Variants in PNPT1 observed in about 807,000 individuals in gnomAD.
PNPT1 encodes polyribonucleotide nucleotidyltransferase 1, mitochondrial.
In PNPT1, 53 loss-of-function variants were observed where a neutral mutation model predicts 119.5. The ratio of observed to expected loss-of-function variants is 0.44; its 90% CI spans 0.36 to 0.56. The LOEUF (loss-of-function observed/expected upper bound fraction) is 0.56. PNPT1 is among the 20% of genes least tolerant of loss of function. PNPT1 has a pLI of 0.00. For missense variants in PNPT1, 948 were observed against 938.5 expected (o/e 1.01, Z -0.13); for synonymous variants, 357 against 322.1 (o/e 1.11, Z -1.16).
chr2:55,671,798 G>C (rs1696924152), intron 10 of PNPT1, among the ~76,000 whole-genome samples, 197 bp downstream of exon 10: 2 of 152,240 alleles, frequency 1.3e-5, no homozygotes, highest in Admixed American at 1.3e-4. Context: ...CTGCACACCA[G>C]CCTGGGCGAC....
chr2:55,637,518 A>G, intron 27 of PNPT1, 34 bp downstream of exon 27: 1 of 1,553,376 alleles, frequency 6.4e-7, no homozygotes, highest in Non-Finnish European at 8.9e-7. Flanking sequence ...AGAACAATTT[A>G]CAACTTCAAG....
chr2:55,650,912 C>CT, intron 18 of PNPT1, among the ~76,000 whole-genome samples: 1 of 141,892 alleles, frequency 7.0e-6, no homozygotes, highest in Non-Finnish European at 1.6e-5. Flanking sequence ...GTCAGCCCCC[C>CT]GCCCGGCCAG....
chr2:55,675,271 A>G (rs1456486498), intron 8 of PNPT1, among the ~76,000 whole-genome samples: 1 of 151,020 alleles, frequency 6.6e-6, no homozygotes, highest in Non-Finnish European at 1.5e-5. Context: ...AGAGTTGAGG[A>G]GAGTTGAGAA....
At chr2:55,677,833 G>A (rs977588746) in intron 8 of PNPT1, among the ~76,000 whole-genome samples, 9 of 150,936 alleles carry the variant, frequency 6.0e-5, no homozygotes, top group South Asian at 2.1e-4. Flanking sequence ...TCTGCCTCCC[G>A]GGTTCACGCC....
intron 1 of PNPT1, 63 bp downstream of exon 1, chr2:55,693,600 T>G: frequency 6.3e-7 from 1 of 1,589,938 alleles, no homozygotes; most frequent in Non-Finnish European, 8.6e-7. Flanking sequence ...GGGAGATGAA[T>G]ACGCTCAAGC....
chr2:55,655,040 T>A, intron 17 of PNPT1, 87 bp from the exon 18 acceptor site: 3 of 1,216,958 alleles, frequency 2.5e-6, no homozygotes, highest in Admixed American at 4.0e-5. Flanking sequence ...TTATAAATAT[T>A]CAGTTACAAT....
chr2:55,652,995 G>A (rs1237054027), intron 18 of PNPT1, among the ~76,000 whole-genome samples: 1 of 152,104 alleles, frequency 6.6e-6, no homozygotes, highest in Non-Finnish European at 1.5e-5. Context: ...TTACAGGCGT[G>A]GGCCACCACA....
intron 10 of PNPT1, among the ~76,000 whole-genome samples, chr2:55,671,650 G>A (rs1046077482): frequency 6.6e-6 from 1 of 152,180 alleles, no homozygotes; most frequent in Non-Finnish European, 1.5e-5. Context: ...AGACCAGCCT[G>A]GCCAACATGG....
At position 55,646,429 on chromosome 2, in the gene PNPT1, T is replaced by C; in HGVS notation, c.1660A>G (p.Ile554Val). ...DFKIAGTNKGITALQADIKLP... is the reference protein window; with the variant it reads ...DFKIAGTNKGVTALQADIKLP... Reference sequence around the variant, plus strand: ...TTTAAAAATACCTGTAATGCAGTTATTCCTTTATTAGTGCCAGCTATTTTG... The same window carrying C: ...TTTAAAAATACCTGTAATGCAGTTACTCCTTTATTAGTGCCAGCTATTTTG... The change falls in exon 20 of 28, where the codon ATA (isoleucine) becomes GTA (valine). Residue 554 changes from isoleucine to valine, a missense_variant. Transcript: ENST00000447944. The C allele has an allele frequency of 2.5e-6, 4 of 1,612,802 alleles. No individual in the cohort carries two copies. The highest frequency in any genetic ancestry group is 3.4e-6 in the Non-Finnish European group (4 of 1,179,452).
At chr2:55,661,337 C>G (rs1696567766) in intron 14 of PNPT1, among the ~76,000 whole-genome samples, 1 of 152,018 alleles carries the variant, frequency 6.6e-6, no homozygotes, top group Non-Finnish European at 1.5e-5. Context: ...AGGATCCACC[C>G]ACCTCGGCCT....
intron 18 of PNPT1, among the ~76,000 whole-genome samples, chr2:55,650,862 T>A (rs1288828535): frequency 2.0e-5 from 3 of 151,184 alleles, no homozygotes; most frequent in Non-Finnish European, 4.4e-5. Flanking sequence ...GAGGAGCGTC[T>A]CTGCCCGGCA....
chr2:55,692,749 C>T (rs1239501008), intron 1 of PNPT1, among the ~76,000 whole-genome samples: 4 of 152,114 alleles, frequency 2.6e-5, no homozygotes, highest in Non-Finnish European at 5.9e-5. Flanking sequence ...ACTGACTTTT[C>T]CTTTTCCTCC....
At chr2:55,673,574 G>A (rs948873085) in intron 8 of PNPT1, among the ~76,000 whole-genome samples, 5 of 150,632 alleles carry the variant, frequency 3.3e-5, no homozygotes, top group African/African-American at 7.3e-5. Flanking sequence ...TCAGCCTCCC[G>A]AGTAGCTGGG....
chr2:55,643,263 A>T (rs750573815), intron 24 of PNPT1, 50 bp from the exon 25 acceptor site: 7 of 1,613,332 alleles, frequency 4.3e-6, no homozygotes, highest in Non-Finnish European at 5.1e-6. Flanking sequence ...CATCAACAAA[A>T]AGTAGAAAAA....
chr2:55,688,994 A>G (rs1027060987), intron 1 of PNPT1, among the ~76,000 whole-genome samples: 1 of 152,224 alleles, frequency 6.6e-6, no homozygotes, highest in African/African-American at 2.4e-5. Flanking sequence ...TAAAACAATA[A>G]AAGTTTTAGA....
intron 1 of PNPT1, among the ~76,000 whole-genome samples, chr2:55,692,698 T>C (rs1697654783): frequency 6.6e-6 from 1 of 152,130 alleles, no homozygotes; most frequent in African/African-American, 2.4e-5. Context: ...TTACGACAGG[T>C]TTAAAAAGAT....
intron 3 of PNPT1, among the ~76,000 whole-genome samples, chr2:55,686,034 G>C (rs989813168): frequency 3.9e-5 from 6 of 152,138 alleles, no homozygotes; most frequent in Non-Finnish European, 8.8e-5. Flanking sequence ...CAAAACCCAA[G>C]GACATGGAGG....
chr2:55,657,318 C>CT (rs1391306566), intron 15 of PNPT1, among the ~76,000 whole-genome samples: 2 of 151,484 alleles, frequency 1.3e-5, no homozygotes, highest in African/African-American at 2.4e-5. Context: ...AACAGAGACC[C>CT]TTTTTTTAAA....
In PNPT1 at chr2:55,636,330, C is replaced by A. The variant is rs1572789693; in HGVS notation, c.2259G>T (p.Gln753His). The change falls in exon 28 of 28, where the codon CAG becomes CAT. Residue 753 changes from glutamine to histidine, a missense_variant. Gln to His is a conservative substitution (Grantham distance 24, BLOSUM62 0). Coordinates refer to ENST00000447944, the MANE Select transcript of PNPT1 (RefSeq NM_033109.5). ...GRMRLSRKVL[Q>H]SPATTVVRTL... ...TTCTGACCACGGTTGTAGCTGGCGA[C>A]TGAAGCACTTTTCGAGAAAGCCTCA... 6.2e-7 allele frequency: 1 copy of A among 1,614,132 alleles called. No individual in the cohort carries two copies.
Sources: allele counts gnomAD v4.1 joint callset (sites outside exome capture counted in the v4.1 genomes callset), GRCh38; gene constraint gnomAD v4.1.1; transcripts MANE v1.5; gene names NCBI Gene and HGNC (gene_info 2026-07-23, HGNC 2026-07-21).